Variants in KCNIP4 observed in about 807,000 individuals in gnomAD.
KCNIP4 encodes Kv channel-interacting protein 4.
In KCNIP4, 12 loss-of-function variants were observed where a neutral mutation model predicts 34.0. The ratio of observed to expected loss-of-function variants is 0.35; its 90% CI spans 0.23 to 0.57. The LOEUF (loss-of-function observed/expected upper bound fraction) is 0.57. Ranked by LOEUF, KCNIP4 falls within the 20% of genes least tolerant of loss-of-function variation. The pLI is 0.83. For synonymous variants in KCNIP4, 124 were observed against 102.2 expected (o/e 1.21, Z -1.29); for missense variants, 238 against 311.7 (o/e 0.76, Z 1.78).
intron 1 of KCNIP4, among the ~76,000 whole-genome samples, chr4:21,754,683 T>C (rs1208336731): frequency 6.6e-6 from 1 of 152,126 alleles, no homozygotes; most frequent in East Asian, 1.9e-4. Context: ...ACATGTCTAA[T>C]AGTAGAAGCT....
chr4:21,240,109 C>T (rs1483953088), intron 1 of KCNIP4, among the ~76,000 whole-genome samples: 3 of 150,334 alleles, frequency 2.0e-5, no homozygotes. Flanking sequence ...TCATTCTTGG[C>T]AAACTATCGC....
At chr4:21,452,305 A>G (rs942666958) in intron 1 of KCNIP4, among the ~76,000 whole-genome samples, 1 of 152,150 alleles carries the variant, frequency 6.6e-6, no homozygotes, top group African/African-American at 2.4e-5. Flanking sequence ...CCCTGCCTTC[A>G]TGGAGGTGGG....
intron 1 of KCNIP4, among the ~76,000 whole-genome samples, chr4:21,468,949 C>G (rs113383765): frequency 2.4e-3 from 371 of 152,284 alleles, no homozygotes; most frequent in African/African-American, 8.2e-3. Context: ...TTCTCCAAAA[C>G]TATTTTTGAT....
intron 1 of KCNIP4, among the ~76,000 whole-genome samples, chr4:21,659,488 C>T (rs886604744): frequency 2.0e-5 from 3 of 152,098 alleles, no homozygotes; most frequent in Non-Finnish European, 2.9e-5. Context: ...GCCTGGTAGT[C>T]AAGTCCATTT....
At chr4:21,549,424 C>A in intron 1 of KCNIP4, among the ~76,000 whole-genome samples, 1 of 151,940 alleles carries the variant, frequency 6.6e-6, no homozygotes, top group East Asian at 1.9e-4. Context: ...AATTCTCACT[C>A]TATTACTTAC....
intron 1 of KCNIP4, among the ~76,000 whole-genome samples, chr4:21,411,226 T>TA (rs1281640778): frequency 6.6e-6 from 1 of 152,174 alleles, no homozygotes; most frequent in Admixed American, 6.5e-5. Context: ...TGTGTTGATG[T>TA]AAACTGAACT....
intron 1 of KCNIP4, among the ~76,000 whole-genome samples, chr4:21,448,113 T>C (rs962089310): frequency 3.9e-5 from 6 of 152,062 alleles, no homozygotes; most frequent in East Asian, 1.9e-4. Context: ...AGCTTTGGAA[T>C]TGAGAAACTG....
rs367553482 is a variant in KCNIP4, at chr4:21,370,882, C to CACACACACACACGT, written c.62-488174_62-488173insACGTGTGTGTGTGT. Among the ~76,000 whole-genome samples the CACACACACACACGT allele has an allele frequency of 2.0e-3, 78 of 39,376 alleles. 7 individuals are homozygous for CACACACACACACGT. Among genetic ancestry groups the CACACACACACACGT allele is most frequent in the Non-Finnish European group, 2.6e-3 (53 of 20,692 alleles). The allele number at this position is 39,376 out of a possible 152,430, so 25.8% of individuals were successfully genotyped here. ...ACACACACACACACACACACACACA[C>CACACACACACACGT]GTGTGTGTGTGTGTGTGTGTATTAG... On this transcript the variant is annotated intron_variant, in intron 1 of 8. Coordinates refer to ENST00000382152, the MANE Select transcript of KCNIP4 (RefSeq NM_025221.6).
intron 1 of KCNIP4, among the ~76,000 whole-genome samples, chr4:21,497,091 T>C (rs2109876554): frequency 6.6e-6 from 1 of 152,316 alleles, no homozygotes; most frequent in South Asian, 2.1e-4. Flanking sequence ...GTTAGGCAAA[T>C]GATCTAACTT....
chr4:20,736,645 ATTC>A lies in KCNIP4; in HGVS notation c.430-1913_430-1911del, dbSNP rs899095914. ...TTACATAATGAAAATGATAATAGAT[ATTC>A]TTAGTTTTTTCTTGAACTTGAGAAT... On this transcript the variant is annotated intron_variant, in intron 5 of 8. Coordinates refer to ENST00000382152, the MANE Select transcript of KCNIP4 (RefSeq NM_025221.6). Among the ~76,000 whole-genome samples, 204 of 152,308 alleles carry A rather than the reference ATTC, an allele frequency of 1.3e-3. 1 individual carries two copies. Among genetic ancestry groups the A allele is most frequent in the African/African-American group, 4.5e-3 (185 of 41,566 alleles).
At chr4:20,770,243 G>A (rs955010743) in intron 3 of KCNIP4, among the ~76,000 whole-genome samples, 17 of 152,032 alleles carry the variant, frequency 1.1e-4, no homozygotes, top group Non-Finnish European at 1.8e-4. Context: ...AGTTTAATGC[G>A]ATTTGAAAAG....
At chr4:20,881,948 C>T (rs1045767722) in intron 2 of KCNIP4, among the ~76,000 whole-genome samples, 47 of 152,338 alleles carry the variant, frequency 3.1e-4, no homozygotes, top group African/African-American at 1.1e-3. Flanking sequence ...CTATGAATTT[C>T]AGACATGCCA....
At chr4:21,933,568 T>C (rs1025964535) in intron 1 of KCNIP4, among the ~76,000 whole-genome samples, 1 of 152,124 alleles carries the variant, frequency 6.6e-6, no homozygotes, top group Admixed American at 6.6e-5. Flanking sequence ...ATACTCAGAA[T>C]GTATTTTTCA....
At chr4:21,845,813 C>T (rs555357878) in intron 1 of KCNIP4, 5 of 152,106 alleles carry the variant, frequency 3.3e-5, no homozygotes, top group South Asian at 4.2e-4. Flanking sequence ...ATAACTCATT[C>T]GACTTTGAAA....
At chr4:21,937,074 T>A (rs1729898586) in intron 1 of KCNIP4, among the ~76,000 whole-genome samples, 2 of 152,144 alleles carry the variant, frequency 1.3e-5, no homozygotes, top group South Asian at 4.1e-4. Flanking sequence ...GGAGCAAGAC[T>A]GTGCCTCATT....
intron 1 of KCNIP4, among the ~76,000 whole-genome samples, chr4:21,579,115 C>T (rs184583010): frequency 5.7e-4 from 87 of 152,172 alleles, no homozygotes; most frequent in Non-Finnish European, 8.4e-4. Flanking sequence ...ATCTTTTATG[C>T]GGTGAAAACC....
intron 1 of KCNIP4, among the ~76,000 whole-genome samples, chr4:21,492,884 G>A (rs1418501270): frequency 6.6e-6 from 1 of 152,058 alleles, no homozygotes; most frequent in Non-Finnish European, 1.5e-5. Flanking sequence ...TTCCATTCAG[G>A]CCTATTCCAG....
At chr4:21,399,225 T>C (rs1723260066) in intron 1 of KCNIP4, among the ~76,000 whole-genome samples, 1 of 152,172 alleles carries the variant, frequency 6.6e-6, no homozygotes, top group African/African-American at 2.4e-5. Context: ...TGGTGTTGCC[T>C]TGGCCAGGGT....
chr4:21,329,768 T>A (rs1009282756), intron 1 of KCNIP4, among the ~76,000 whole-genome samples: 2 of 152,200 alleles, frequency 1.3e-5, no homozygotes, highest in Non-Finnish European at 2.9e-5. Flanking sequence ...TACAATACCA[T>A]GCAGGTAGAA....
Sources: gnomAD v4.1 joint callset for allele counts (sites outside exome capture counted in the v4.1 genomes callset) on GRCh38, gnomAD v4.1.1 for gene constraint, MANE v1.5 for transcripts, NCBI Gene and HGNC (gene_info 2026-07-23, HGNC 2026-07-21) for gene names.